The following EPHB1 variants were observed in gnomAD, a reference collection of about 807,000 sequenced individuals.
The protein encoded by EPHB1 is EPH receptor B1.
A neutral mutation model predicts 94.4 loss-of-function variants in EPHB1; 30 were observed. The observed-to-expected ratio is 0.32, with a 90% CI of 0.24 to 0.43. EPHB1 has a LOEUF of 0.43. Among genes scored for constraint, EPHB1 ranks in the 20% least tolerant of loss-of-function variants. The probability of loss-of-function intolerance (pLI) is 1.00; values close to 1 mark genes in which losing one functional copy is unlikely to be tolerated. For synonymous variants in EPHB1, 522 were observed against 489.1 expected (o/e 1.07, Z -0.89); for missense variants, 1,055 against 1,308.3 (o/e 0.81, Z 2.99).
intron 1 of EPHB1, among the ~76,000 whole-genome samples, chr3:134,907,529 C>T (rs1035188977): frequency 2.0e-5 from 3 of 152,124 alleles, no homozygotes; most frequent in African/African-American, 4.8e-5. Flanking sequence ...ATTTGACCCA[C>T]AGGCACTAAG....
At chr3:134,993,970 A>G (rs2107739244) in intron 3 of EPHB1, among the ~76,000 whole-genome samples, 1 of 152,174 alleles carries the variant, frequency 6.6e-6, no homozygotes, top group East Asian at 1.9e-4. Context: ...CTTTCTATTC[A>G]TTTGGATTTC....
At chr3:134,886,708 T>C (rs2037869961) in intron 1 of EPHB1, among the ~76,000 whole-genome samples, 1 of 152,184 alleles carries the variant, frequency 6.6e-6, no homozygotes, top group African/African-American at 2.4e-5. Context: ...TGTGCAAACC[T>C]TTTGCATGTT....
At chr3:135,057,566 G>A (rs145957733) in intron 3 of EPHB1, among the ~76,000 whole-genome samples, 2 of 152,158 alleles carry the variant, frequency 1.3e-5, no homozygotes, top group African/African-American at 4.8e-5. Context: ...CTGGGTTCTG[G>A]CTCCCTTGCC....
chr3:134,934,877 A>G (rs1256833664), intron 2 of EPHB1, among the ~76,000 whole-genome samples: 1 of 152,202 alleles, frequency 6.6e-6, no homozygotes, highest in East Asian at 1.9e-4. Flanking sequence ...TTCTGTCCAC[A>G]GACTCTGGGA....
chr3:135,142,906 C>A (rs143750435), intron 5 of EPHB1, among the ~76,000 whole-genome samples: 339 of 152,156 alleles, frequency 2.2e-3, no homozygotes, highest in Non-Finnish European at 3.4e-3. Flanking sequence ...GTGGTCTAGC[C>A]AAATGGCATT....
At chr3:135,118,343 G>T (rs1425944908) in intron 4 of EPHB1, among the ~76,000 whole-genome samples, 2 of 152,164 alleles carry the variant, frequency 1.3e-5, no homozygotes, top group African/African-American at 4.8e-5. Flanking sequence ...CTAATAACTG[G>T]CATTTATTAA....
At chr3:135,236,036 T>C (rs1576489765) in intron 12 of EPHB1, among the ~76,000 whole-genome samples, 1 of 152,234 alleles carries the variant, frequency 6.6e-6, no homozygotes, top group East Asian at 1.9e-4. Context: ...TAAAATTGTA[T>C]ATACTCAATG....
intron 10 of EPHB1, among the ~76,000 whole-genome samples, chr3:135,180,363 G>T (rs1161333666): frequency 6.6e-6 from 1 of 152,224 alleles, no homozygotes; most frequent in Non-Finnish European, 1.5e-5. Flanking sequence ...ATGGGTTAAA[G>T]TCAAGATATC....
At chr3:135,125,154 C>A (rs1940147907) in intron 4 of EPHB1, among the ~76,000 whole-genome samples, 2 of 151,678 alleles carry the variant, frequency 1.3e-5, no homozygotes, top group South Asian at 4.1e-4. Context: ...AATTACTTAC[C>A]AGTCTGTCCA....
chr3:135,256,934 C>T (rs1933421600), intron 15 of EPHB1, among the ~76,000 whole-genome samples: 1 of 145,708 alleles, frequency 6.9e-6, no homozygotes, highest in South Asian at 2.3e-4. Context: ...TCTTTTTTCT[C>T]TAAACTTCCC....
intron 1 of EPHB1, among the ~76,000 whole-genome samples, chr3:134,873,727 G>T (rs2037550855): frequency 6.6e-6 from 1 of 152,202 alleles, no homozygotes; most frequent in South Asian, 2.1e-4. Context: ...TAGCAGGTGG[G>T]GTCAGATGGC....
At chr3:135,224,216 T>C (rs4315709) in intron 12 of EPHB1, among the ~76,000 whole-genome samples, 148,616 of 152,366 alleles carry the variant, frequency 0.98, 72,596 homozygotes, top group Middle Eastern at 1. Context: ...TCTAACAACA[T>C]GTTTCTCAGA....
At chr3:135,214,697 C>T (rs1032438018) in intron 12 of EPHB1, among the ~76,000 whole-genome samples, 3 of 152,200 alleles carry the variant, frequency 2.0e-5, no homozygotes, top group Non-Finnish European at 4.4e-5. Context: ...CCTCGCTGTG[C>T]TTCCAGGAGA....
intron 4 of EPHB1, among the ~76,000 whole-genome samples, chr3:135,132,218 C>T (rs1055358939): frequency 1.3e-5 from 2 of 152,158 alleles, no homozygotes; most frequent in African/African-American, 4.8e-5. Context: ...TGCATCCCTG[C>T]TACCACGCAC....
At chr3:134,936,359 G>T (rs917234589) in intron 2 of EPHB1, among the ~76,000 whole-genome samples, 7 of 152,086 alleles carry the variant, frequency 4.6e-5, no homozygotes, top group African/African-American at 1.7e-4. Context: ...GGTGAGCCCT[G>T]GCCAGAGATC....
chr3:135,044,311 G>A (rs940235929), intron 3 of EPHB1, among the ~76,000 whole-genome samples: 2 of 152,132 alleles, frequency 1.3e-5, no homozygotes, highest in Non-Finnish European at 1.5e-5. Flanking sequence ...TGCAAGTGTC[G>A]CCAAGCCATG....
At chr3:134,809,687 G>A (rs1408717164) in intron 1 of EPHB1, among the ~76,000 whole-genome samples, 2 of 152,146 alleles carry the variant, frequency 1.3e-5, no homozygotes, top group Non-Finnish European at 1.5e-5. Flanking sequence ...TAGACATGAA[G>A]CACATTTACT....
intron 5 of EPHB1, among the ~76,000 whole-genome samples, chr3:135,139,137 TGTAA>T (rs1940726469): frequency 6.6e-6 from 1 of 152,234 alleles, no homozygotes; most frequent in African/African-American, 2.4e-5. Context: ...AGCATTAGTA[TGTAA>T]GTGTTTGGCT....
intron 10 of EPHB1, among the ~76,000 whole-genome samples, chr3:135,189,221 C>G (rs115975153): frequency 1.4e-3 from 207 of 152,292 alleles, no homozygotes; most frequent in African/African-American, 4.5e-3. Context: ...TGTGCCAGGA[C>G]CTGTGCTGTA....
Sources: gnomAD v4.1 joint callset for allele counts (sites outside exome capture counted in the v4.1 genomes callset) on GRCh38, gnomAD v4.1.1 for gene constraint, MANE v1.5 for transcripts, NCBI Gene and HGNC (gene_info 2026-07-23, HGNC 2026-07-21) for gene names.